The following ACTR3C variants were observed in gnomAD, a reference collection of about 807,000 sequenced individuals.
ACTR3C encodes the protein actin related protein 3C, also known as actin-related protein 3C.
ACTR3C carries 18 observed loss-of-function variants against 26.3 expected under a neutral mutation model. That is an observed-to-expected ratio of 0.68 (90% CI 0.47 to 1.01). The LOEUF is 1.01. ACTR3C is among the 50% of genes least tolerant of loss of function. The pLI, the probability that ACTR3C is intolerant of heterozygous loss-of-function variation, is 0.00. For missense variants in ACTR3C, 184 were observed against 250.7 expected, an observed-to-expected ratio of 0.73 and a Z score of 1.80; for synonymous variants, 55 against 94.5, an observed-to-expected ratio of 0.58 and a Z score of 2.42.
At chr7:150,007,042 T>C in the ACTR3C span, among the ~76,000 whole-genome samples, 6 of 152,158 alleles carry the variant, frequency 3.9e-5, no homozygotes, top group Non-Finnish European at 8.8e-5. Context: ...TTGTATGAAT[T>C]TGCAGGTCGG....
At chr7:149,902,315 TACAC>T in the ACTR3C span, among the ~76,000 whole-genome samples, 1 of 149,782 alleles carries the variant, frequency 6.7e-6, no homozygotes, top group African/African-American at 2.5e-5. Context: ...ATAATCCTGA[TACAC>T]AACCAGACAA....
At chr7:150,233,394 A>G in the ACTR3C span, among the ~76,000 whole-genome samples, 2 of 148,974 alleles carry the variant, frequency 1.3e-5, no homozygotes. Flanking sequence ...TTGTTTTGGT[A>G]TTTCTCCTGT....
the ACTR3C span, among the ~76,000 whole-genome samples, chr7:150,180,262 G>C: frequency 6.8e-6 from 1 of 147,790 alleles, no homozygotes; most frequent in East Asian, 2.0e-4. Flanking sequence ...CCGAGATCGC[G>C]CCACTGCACT....
intron 6 of ACTR3C, among the ~76,000 whole-genome samples, chr7:150,255,762 A>G (rs923094970): frequency 1.3e-5 from 2 of 152,234 alleles, no homozygotes; most frequent in African/African-American, 4.8e-5. Flanking sequence ...GTCCTTTCTT[A>G]CCAAGGGTGC....
chr7:150,083,548 C>G, the ACTR3C span, among the ~76,000 whole-genome samples: 1 of 152,120 alleles, frequency 6.6e-6, no homozygotes. Context: ...ACCTAGGTGA[C>G]AGAGTGAGAC....
chr7:150,237,812 G>A, the ACTR3C span, among the ~76,000 whole-genome samples: 11,779 of 150,774 alleles, frequency 0.078, 891 homozygotes, highest in African/African-American at 0.2. Flanking sequence ...TACCCTAGAA[G>A]TCACCCAAGC....
At chr7:150,057,949 A>G in the ACTR3C span, among the ~76,000 whole-genome samples, 2 of 152,242 alleles carry the variant, frequency 1.3e-5, no homozygotes, top group Non-Finnish European at 2.9e-5. Flanking sequence ...CACTAAATGT[A>G]ATGCAATTCT....
rs144887113 is a variant in ACTR3C, at chr7:150,322,338, T to A, written c.-52+1131A>T. On this transcript the variant is annotated intron_variant, in intron 1 of 7. Transcript: ENST00000683684. ...ACAGAAGGTTGGCACAAGATACAGG[T>A]CATACAGACCTTGCTGATAAAACAG... Among the ~76,000 whole-genome samples, 695 of 152,340 alleles carry A rather than the reference T, an allele frequency of 4.6e-3. 2 individuals carry two copies. Among genetic ancestry groups the A allele is most frequent in the Middle Eastern group, 0.02 (6 of 294 alleles).
the ACTR3C span, among the ~76,000 whole-genome samples, chr7:149,918,103 T>A: frequency 6.6e-6 from 1 of 152,134 alleles, no homozygotes; most frequent in African/African-American, 2.4e-5. Flanking sequence ...AGTTCAAACT[T>A]AAATATTTTA....
the ACTR3C span, among the ~76,000 whole-genome samples, chr7:149,901,260 C>T: frequency 6.6e-6 from 1 of 151,702 alleles, no homozygotes; most frequent in African/African-American, 2.4e-5. Flanking sequence ...GAAAATAATT[C>T]TGTAACTTTA....
chr7:149,924,385 A>C, the ACTR3C span, among the ~76,000 whole-genome samples: 1 of 152,060 alleles, frequency 6.6e-6, no homozygotes, highest in Admixed American at 6.6e-5. Context: ...CAAAAAAATG[A>C]ATACAAAGAA....
intron 2 of ACTR3C, among the ~76,000 whole-genome samples, chr7:150,294,628 C>T (rs911979337): frequency 6.6e-6 from 1 of 152,220 alleles, no homozygotes; most frequent in Non-Finnish European, 1.5e-5. Flanking sequence ...GATGCAGCAT[C>T]GCCCAAATTC....
chr7:150,158,770 C>A, the ACTR3C span, among the ~76,000 whole-genome samples: 2 of 152,074 alleles, frequency 1.3e-5, no homozygotes, highest in Non-Finnish European at 2.9e-5. Flanking sequence ...GAGAGCAGAT[C>A]TTAAATGTTC....
chr7:150,254,629 C>T (rs1290178387), intron 6 of ACTR3C, among the ~76,000 whole-genome samples: 5 of 152,144 alleles, frequency 3.3e-5, no homozygotes, highest in Non-Finnish European at 5.9e-5. Context: ...ACCAGTTCTT[C>T]TTCTTTACCC....
the ACTR3C span, chr7:149,892,314 A>G: frequency 1.4e-5 from 22 of 1,600,172 alleles, no homozygotes; most frequent in Admixed American, 1.7e-5. Flanking sequence ...TTCATCTCCT[A>G]TGAAAAAGTC....
rs532301872 is a variant in ACTR3C at position 150,259,266 on chromosome 7, A to C, written c.565-10212T>G. ...GACAGAAAGAAAAGAAAGAGAAAGA[A>C]GAAAGAAAAAGAAAGAAAGAAAGAA... On this transcript the variant is annotated intron_variant, in intron 6 of 7. Transcript: ENST00000683684. Among the ~76,000 whole-genome samples, 8 of 141,824 alleles carry C rather than the reference A, an allele frequency of 5.6e-5. No individual in the cohort carries two copies. In the East Asian group the frequency reaches 1.2e-3, roughly 21 times the overall value. 93.0% of individuals were successfully genotyped at this position (141,824 alleles called of 152,430 possible). A position where few individuals can be genotyped will look rare whatever the true frequency, so the allele number is the denominator to read the frequency against.
At chr7:150,188,129 A>G in the ACTR3C span, among the ~76,000 whole-genome samples, 1 of 152,028 alleles carries the variant, frequency 6.6e-6, no homozygotes, top group Non-Finnish European at 1.5e-5. Flanking sequence ...CTTCTATTGG[A>G]AAATGATATT....
At chr7:149,927,492 G>A in the ACTR3C span, among the ~76,000 whole-genome samples, 1 of 151,262 alleles carries the variant, frequency 6.6e-6, no homozygotes, top group Non-Finnish European at 1.5e-5. Flanking sequence ...ACTTTGGGAC[G>A]CCGAGGCAGG....
the ACTR3C span, among the ~76,000 whole-genome samples, chr7:150,232,869 C>T: frequency 6.6e-6 from 1 of 151,564 alleles, no homozygotes; most frequent in Non-Finnish European, 1.5e-5. Flanking sequence ...CCTGAGTTTC[C>T]AACATACATT....
Sources: gnomAD v4.1 joint callset for allele counts (sites outside exome capture counted in the v4.1 genomes callset) on GRCh38, gnomAD v4.1.1 for gene constraint, MANE v1.5 for transcripts, NCBI Gene and HGNC (gene_info 2026-07-23, HGNC 2026-07-21) for gene names.